Variants in MAGI3 observed in about 807,000 individuals in gnomAD.
The protein encoded by MAGI3 is membrane associated guanylate kinase, WW and PDZ domain containing 3.
In MAGI3, 43 loss-of-function variants were observed where a neutral mutation model predicts 121.8. The ratio of observed to expected loss-of-function variants is 0.35; its 90% confidence interval spans 0.28 to 0.46. The LOEUF is 0.46. Ranked by LOEUF, MAGI3 falls within the 20% of genes least tolerant of loss-of-function variation. MAGI3 has a pLI of 1.00. For synonymous variants in MAGI3, 553 were observed against 639.3 expected (o/e 0.86, Z 2.04); for missense variants, 1,547 against 1,797.3 (o/e 0.86, Z 2.52).
At chr1:113,473,334 A>G (rs1655636389) in intron 1 of MAGI3, among the ~76,000 whole-genome samples, 1 of 152,140 alleles carries the variant, frequency 6.6e-6, no homozygotes. Context: ...ATAGGTATAC[A>G]TGTGCCATGT....
chr1:113,449,280 T>C lies in MAGI3; in HGVS notation c.316+57931T>C, dbSNP rs1034146601. 2.6e-5 allele frequency among the ~76,000 whole-genome samples: 4 copies of C among 152,034 alleles called. No individual in the cohort carries two copies. The East Asian group carries it at 7.7e-4, about 29-fold the overall frequency. ...GACGTCACAGTGGAATAGCAGATAA[T>C]GCATGAGTGGTGAATTTCCTCGTTT... is the stretch of plus-strand genomic sequence containing the variant. On this transcript the variant is annotated intron_variant, in intron 1 of 20. Coordinates refer to ENST00000307546, the MANE Select transcript of MAGI3 (RefSeq NM_001142782.2).
chr1:113,552,225 T>A (rs967638508), intron 2 of MAGI3, among the ~76,000 whole-genome samples: 11 of 152,216 alleles, frequency 7.2e-5, no homozygotes, highest in Non-Finnish European at 1.3e-4. Flanking sequence ...TCACTAATTG[T>A]AGTTGTCTAA....
intron 16 of MAGI3, among the ~76,000 whole-genome samples, chr1:113,665,734 T>C (rs1557881872): frequency 1.3e-5 from 2 of 152,178 alleles, no homozygotes; most frequent in African/African-American, 4.8e-5. Flanking sequence ...TGTTCTCTCA[T>C]AGGGTTCTTA....
intron 1 of MAGI3, among the ~76,000 whole-genome samples, chr1:113,541,226 A>C (rs1244681211): frequency 6.6e-6 from 1 of 152,176 alleles, no homozygotes; most frequent in African/African-American, 2.4e-5. Flanking sequence ...TCTGACCAAT[A>C]CATTTGTGAT....
At chr1:113,671,434 T>C (rs1166377573) in intron 16 of MAGI3, among the ~76,000 whole-genome samples, 1 of 152,190 alleles carries the variant, frequency 6.6e-6, no homozygotes, top group African/African-American at 2.4e-5. Context: ...GAGCTCTGTC[T>C]TCTAGATAAA....
chr1:113,671,743 G>T lies in MAGI3; in HGVS notation c.2825G>T (p.Gly942Val). ...TTTCTCATTTGAACAGAGCATCATG[G>T]TCCACCATCAGGAACAAACTCAGCC... Reference protein sequence around the residue: ...LTVIAEEEHHGPPSGTNSARQ... With the variant: ...LTVIAEEEHHVPPSGTNSARQ... Residue 942 changes from glycine to valine, a missense_variant, in exon 17 of 21, where the codon GGT becomes GTT. By Grantham distance (109) the Gly-to-Val change is moderately radical. Transcript: ENST00000307546. 6.2e-7 allele frequency: 1 copy of T among 1,614,160 alleles called. No homozygotes were observed. Among genetic ancestry groups the T allele is most frequent in the Non-Finnish European group, 8.5e-7 (1 of 1,180,004 alleles).
At chr1:113,659,369 T>TG in intron 16 of MAGI3, 104 bp downstream of exon 16, 1 of 1,037,404 alleles carries the variant, frequency 9.6e-7, no homozygotes, top group Admixed American at 2.6e-5. Context: ...TGCGGGGATA[T>TG]AACTGTGTAT....
At chr1:113,627,108 AT>A (rs1651293933) in intron 9 of MAGI3, among the ~76,000 whole-genome samples, 1 of 151,846 alleles carries the variant, frequency 6.6e-6, no homozygotes, top group Non-Finnish European at 1.5e-5. Flanking sequence ...GCTGTATCCC[AT>A]AGGTTTTGGT....
intron 1 of MAGI3, among the ~76,000 whole-genome samples, chr1:113,495,655 C>G (rs567928365): frequency 6.6e-6 from 1 of 152,262 alleles, no homozygotes; most frequent in South Asian, 2.1e-4. Flanking sequence ...ACTAAACCTG[C>G]TAAAGATCAT....
At chr1:113,633,218 A>G (rs1651762450) in intron 9 of MAGI3, among the ~76,000 whole-genome samples, 1 of 134,608 alleles carries the variant, frequency 7.4e-6, no homozygotes. Flanking sequence ...CCATGTCCCT[A>G]CAAAGGACAT....
At chr1:113,659,946 A>G (rs532331929) in intron 16 of MAGI3, among the ~76,000 whole-genome samples, 5 of 152,296 alleles carry the variant, frequency 3.3e-5, no homozygotes, top group African/African-American at 1.2e-4. Flanking sequence ...AAAACTAACA[A>G]GGAGAAGCCA....
At chr1:113,543,557 A>G (rs1489897864) in intron 1 of MAGI3, among the ~76,000 whole-genome samples, 12 of 152,290 alleles carry the variant, frequency 7.9e-5, no homozygotes, top group Admixed American at 3.9e-4. Flanking sequence ...AGAGGGTCAA[A>G]TGAATAGTTA....
chr1:113,595,476 C>T (rs187114260), intron 6 of MAGI3, among the ~76,000 whole-genome samples: 25 of 152,018 alleles, frequency 1.6e-4, no homozygotes, highest in Non-Finnish European at 3.4e-4. Context: ...AAATAAGTGG[C>T]GTAAAATGAG....
At chr1:113,659,018 A>C in intron 15 of MAGI3, 62 bp from the exon 16 acceptor site, 1 of 1,320,066 alleles carries the variant, frequency 7.6e-7, no homozygotes, top group South Asian at 1.4e-5. Flanking sequence ...GACGTTGATT[A>C]TAAATCTAAC....
At position 113,586,309 on chromosome 1, in the gene MAGI3, G is replaced by A. The variant is rs147486008; in HGVS notation, c.763+713G>A. Among the ~76,000 whole-genome samples the A allele has an allele frequency of 2.1e-3, 324 of 152,136 alleles. 3 individuals carry two copies. The highest frequency in any genetic ancestry group is 4.8e-3 in the Admixed American group (73 of 15,288). ...AGGGCTGAAGTTTTCCTTTTTTTAT[G>A]TACTGTTCTATCCCTTCCATCAAAA... is the stretch of plus-strand genomic sequence containing the variant. On this transcript the variant is annotated intron_variant, in intron 4 of 20. Transcript: ENST00000307546.
intron 1 of MAGI3, among the ~76,000 whole-genome samples, chr1:113,397,571 T>A (rs778770136): frequency 6.6e-6 from 1 of 152,172 alleles, no homozygotes; most frequent in Non-Finnish European, 1.5e-5. Flanking sequence ...AAAATCCACA[T>A]TATAGAATAA....
Position 113,659,285 on chromosome 1 carries a change from G to A in MAGI3, c.2815+20G>A, listed in dbSNP as rs1216657751. ...AAGAAGGTAAGGAGCCAGTAGACGCGCCTGCCCCAAGCTGATCTGAGAGGC... is the reference window on the plus strand; with the variant it reads ...AAGAAGGTAAGGAGCCAGTAGACGCACCTGCCCCAAGCTGATCTGAGAGGC... On this transcript the variant is annotated intron_variant, in intron 16 of 20. Transcript: ENST00000307546. 3.7e-6 allele frequency: 6 copies of A among 1,610,284 alleles called. No individual in the cohort carries two copies. The African/African-American group carries it at 4.0e-5, about 11-fold the overall frequency.
In MAGI3 at chr1:113,649,748, C is replaced by T. The variant is rs529888755; in HGVS notation, c.2247+420C>T. Among the ~76,000 whole-genome samples the T allele has an allele frequency of 3.3e-5, 5 of 152,290 alleles. 1 individual carries two copies. The highest frequency in any genetic ancestry group is 2.6e-4 in the Admixed American group (4 of 15,294). On this transcript the variant is annotated intron_variant, in intron 13 of 20. Coordinates refer to ENST00000307546, the MANE Select transcript of MAGI3 (RefSeq NM_001142782.2). ...TGGCATGAGCCTGTGCATATTGTTT[C>T]ACCTCGTCTTATTAATAGGTTGGCA...
At chr1:113,670,483 A>AT (rs1235316617) in intron 16 of MAGI3, among the ~76,000 whole-genome samples, 1 of 152,194 alleles carries the variant, frequency 6.6e-6, no homozygotes, top group Non-Finnish European at 1.5e-5. Context: ...GATTTTCACT[A>AT]TTGTATTCTA....
Sources: allele counts gnomAD v4.1 joint callset (sites outside exome capture counted in the v4.1 genomes callset), GRCh38; gene constraint gnomAD v4.1.1; transcripts MANE v1.5; gene names NCBI Gene and HGNC (gene_info 2026-07-23, HGNC 2026-07-21).